The following XKR9 variants were observed in gnomAD, a reference collection of about 807,000 sequenced individuals.
XKR9 encodes XK-related protein 9.
A neutral mutation model predicts 32.0 loss-of-function variants in XKR9; 32 were observed. That is an observed-to-expected ratio of 1.00 (90% confidence interval 0.76 to 1.34). The LOEUF is 1.34. Ranked by LOEUF, XKR9 falls within the 40% of genes most tolerant of loss-of-function variation. The pLI is 0.00. For missense variants in XKR9, 546 were observed against 429.7 expected (o/e 1.27, Z -2.39); for synonymous variants, 168 against 143.4 (o/e 1.17, Z -1.22).
the XKR9 span, among the ~76,000 whole-genome samples, chr8:71,061,012 A>C: frequency 6.6e-6 from 1 of 152,232 alleles, no homozygotes; most frequent in Non-Finnish European, 1.5e-5. Context: ...TAAGCCTTTC[A>C]TATGTGTTAT....
At chr8:70,741,963 CT>C (rs1210462967) in intron 2 of XKR9, among the ~76,000 whole-genome samples, 2 of 117,584 alleles carry the variant, frequency 1.7e-5, no homozygotes, top group Non-Finnish European at 3.9e-5. Flanking sequence ...GTGTTGTATT[CT>C]GTTTTTTTTT....
the XKR9 span, among the ~76,000 whole-genome samples, chr8:71,018,372 G>A: frequency 6.6e-6 from 1 of 152,156 alleles, no homozygotes; most frequent in African/African-American, 2.4e-5. Flanking sequence ...GGAAAATGTG[G>A]TATAAGAGAG....
the XKR9 span, among the ~76,000 whole-genome samples, chr8:70,908,190 T>C: frequency 7.7e-6 from 1 of 130,472 alleles, no homozygotes; most frequent in African/African-American, 2.8e-5. Flanking sequence ...ATTCATGCAT[T>C]CATACTATAG....
At chr8:71,051,485 A>G in the XKR9 span, among the ~76,000 whole-genome samples, 1 of 151,554 alleles carries the variant, frequency 6.6e-6, no homozygotes, top group Non-Finnish European at 1.5e-5. Flanking sequence ...ATTGACTTCA[A>G]GTTTTCATGG....
intron 4 of XKR9, among the ~76,000 whole-genome samples, chr8:70,707,564 G>T (rs1490688858): frequency 6.6e-6 from 1 of 151,774 alleles, no homozygotes; most frequent in African/African-American, 2.4e-5. Flanking sequence ...AATTATGAAT[G>T]TGCCATAATT....
At chr8:70,793,782 G>T (rs768144258), downstream of XKR9, among the ~76,000 whole-genome samples, 1 of 151,810 alleles carries the variant, frequency 6.6e-6, no homozygotes, top group Non-Finnish European at 1.5e-5. Context: ...AAATTGGGAA[G>T]TGTGAGTTCT....
intron 4 of XKR9, among the ~76,000 whole-genome samples, chr8:70,714,502 AAAT>A (rs1806025588): frequency 6.6e-6 from 1 of 152,024 alleles, no homozygotes; most frequent in South Asian, 2.1e-4. Flanking sequence ...AGAATAGAAA[AAAT>A]AATTCAATCT....
At chr8:70,674,003 C>A (rs1337664255) in intron 1 of XKR9, among the ~76,000 whole-genome samples, 1 of 151,940 alleles carries the variant, frequency 6.6e-6, no homozygotes, top group Non-Finnish European at 1.5e-5. Context: ...GAAGGAGATA[C>A]TTTTAAAGTA....
rs1467747519 is a variant in XKR9, at chr8:70,754,438, A to G, written n.353-34901A>G. Among the ~76,000 whole-genome samples, 50 of 127,566 alleles carry G rather than the reference A, an allele frequency of 3.9e-4. 8 individuals carry two copies. In the Admixed American group the frequency reaches 4.8e-3, roughly 12 times the overall value. The allele number at this position is 127,566 out of a possible 152,430, so 83.7% of individuals were successfully genotyped here. A position where few individuals can be genotyped will look rare whatever the true frequency, so the allele number is the denominator to read the frequency against. On this transcript the variant is annotated intron_variant and non_coding_transcript_variant, in intron 2 of 3. Coordinates refer to the XKR9 transcript ENST00000520273. ...ACTTTAAAGTTCATATGAAACCATA[A>G]AAGAGCCCGCATCGCCAAGTCAATC...
chr8:70,901,554 A>T, the XKR9 span, among the ~76,000 whole-genome samples: 7 of 152,006 alleles, frequency 4.6e-5, no homozygotes, highest in East Asian at 1.2e-3. Flanking sequence ...TAGATTCTGG[A>T]TATTAGCCCT....
chr8:70,904,034 T>G, the XKR9 span, among the ~76,000 whole-genome samples: 1 of 152,218 alleles, frequency 6.6e-6, no homozygotes, highest in African/African-American at 2.4e-5. Flanking sequence ...GTGCTTTACT[T>G]CCAACTATGT....
intron 2 of XKR9, among the ~76,000 whole-genome samples, chr8:70,786,676 T>C (rs1418171837): frequency 6.6e-6 from 1 of 152,174 alleles, no homozygotes; most frequent in African/African-American, 2.4e-5. Context: ...ATTATTCTTT[T>C]GTATGCAGCA....
At chr8:70,776,167 T>C (rs1458457694) in intron 2 of XKR9, among the ~76,000 whole-genome samples, 3 of 152,134 alleles carry the variant, frequency 2.0e-5, no homozygotes, top group Non-Finnish European at 4.4e-5. Context: ...TTTTTAAAAC[T>C]CTTTGCAAGT....
downstream of XKR9, among the ~76,000 whole-genome samples, chr8:70,793,083 A>G (rs915843987): frequency 3.3e-5 from 5 of 152,106 alleles, no homozygotes; most frequent in African/African-American, 1.2e-4. Context: ...AGATCCTTGA[A>G]CCATTTTGAC....
chr8:70,877,790 C>A, the XKR9 span, among the ~76,000 whole-genome samples: 11 of 152,224 alleles, frequency 7.2e-5, no homozygotes, highest in African/African-American at 2.6e-4. Context: ...GGCCAACATT[C>A]AAATTCAGGA....
chr8:70,781,979 C>G (rs771585901), intron 2 of XKR9, among the ~76,000 whole-genome samples: 3 of 152,170 alleles, frequency 2.0e-5, no homozygotes, highest in African/African-American at 7.2e-5. Flanking sequence ...TAGAACTTTA[C>G]AAGACACACT....
chr8:71,058,836 T>A, the XKR9 span, among the ~76,000 whole-genome samples: 1 of 152,208 alleles, frequency 6.6e-6, no homozygotes, highest in East Asian at 1.9e-4. Flanking sequence ...GAGGGACAGG[T>A]CTTAGAGCTG....
At chr8:71,032,530 A>G in the XKR9 span, among the ~76,000 whole-genome samples, 1 of 152,142 alleles carries the variant, frequency 6.6e-6, no homozygotes, top group African/African-American at 2.4e-5. Flanking sequence ...GGGAGAGCTC[A>G]GACATAATAC....
At chr8:70,953,628 AT>A in the XKR9 span, among the ~76,000 whole-genome samples, 2 of 152,054 alleles carry the variant, frequency 1.3e-5, no homozygotes. Flanking sequence ...TTCCATTATT[AT>A]TTCCATTCCA....
Sources: gnomAD v4.1 joint callset for allele counts (sites outside exome capture counted in the v4.1 genomes callset) on GRCh38, gnomAD v4.1.1 for gene constraint, MANE v1.5 for transcripts, NCBI Gene and HGNC (gene_info 2026-07-23, HGNC 2026-07-21) for gene names.